UBE4B: variants seen among roughly 807,000 people sequenced by gnomAD.
UBE4B encodes ubiquitination factor E4B, also known as ubiquitin conjugation factor E4 B.
UBE4B carries 27 observed loss-of-function variants against 148.1 expected under a neutral mutation model. That is an observed-to-expected ratio of 0.18 (90% confidence interval 0.13 to 0.25). UBE4B has a LOEUF of 0.25. Ranked by LOEUF, UBE4B falls within the 10% of genes least tolerant of loss-of-function variation. UBE4B has a pLI of 1.00. For synonymous variants in UBE4B, 596 were observed against 619.3 expected (o/e 0.96, Z 0.56); for missense variants, 1,170 against 1,662.4 (o/e 0.70, Z 5.15).
chr1:10,079,450 G>T (rs1343120061), intron 2 of UBE4B, among the ~76,000 whole-genome samples: 1 of 151,998 alleles, frequency 6.6e-6, no homozygotes, highest in Non-Finnish European at 1.5e-5. Context: ...GTGAGCCACC[G>T]CACCCGACCT....
chr1:10,073,048 A>G (rs1644515762), intron 2 of UBE4B: 1 of 152,282 alleles, frequency 6.6e-6, no homozygotes, highest in South Asian at 2.1e-4. Context: ...CTATAGATAT[A>G]TATAAATGTT....
intron 25 of UBE4B, among the ~76,000 whole-genome samples, chr1:10,172,985 A>G (rs1646359904): frequency 6.6e-6 from 1 of 152,230 alleles, no homozygotes; most frequent in South Asian, 2.1e-4. Context: ...GCAATAGGCT[A>G]TACCATAGAG....
In UBE4B at chr1:10,168,076, G is replaced by A. The variant is rs1378869866; in HGVS notation, c.3199-60G>A. Reference sequence around the variant, plus strand: ...CGCACTTTCCAGTTATGTGCTTGGCGCTTTGCTGAGCTGATGACCAGGACC... The same window carrying A: ...CGCACTTTCCAGTTATGTGCTTGGCACTTTGCTGAGCTGATGACCAGGACC... On this transcript the variant is annotated intron_variant, in intron 23 of 27. Coordinates refer to ENST00000343090, the MANE Select transcript of UBE4B (RefSeq NM_001105562.3). This position sits in a 1 kb window ranked among gnomAD's most constrained non-coding sequence, Gnocchi z 4.9. The A allele has an allele frequency of 1.7e-5, 26 of 1,555,408 alleles. No individual in the cohort carries two copies. The highest frequency in any genetic ancestry group is 2.4e-5 in the South Asian group (2 of 84,840).
At chr1:10,087,881 T>C (rs1236936743) in intron 2 of UBE4B, among the ~76,000 whole-genome samples, 1 of 152,254 alleles carries the variant, frequency 6.6e-6, no homozygotes. Flanking sequence ...TCTGGAATTC[T>C]ATGAGGAAAA....
At chr1:10,173,331 A>C (rs976642153) in intron 25 of UBE4B, among the ~76,000 whole-genome samples, 1 of 151,814 alleles carries the variant, frequency 6.6e-6, no homozygotes, top group Admixed American at 6.6e-5. Flanking sequence ...AATACAAAAA[A>C]ATTAGCCGGG....
chr1:10,162,171 G>T (rs1646174006), intron 23 of UBE4B, among the ~76,000 whole-genome samples: 1 of 151,552 alleles, frequency 6.6e-6, no homozygotes, highest in Non-Finnish European at 1.5e-5. Context: ...GCTAGTTTTT[G>T]TATTTTGTTT....
chr1:10,035,721 A>AT lies in UBE4B; in HGVS notation c.24+2036dup, dbSNP rs1046609613. ...GTGACCGGCCAGAGATAGTTTTTTT[A>AT]TTTTTTTTTATTTTTTATTTATTTT... On this transcript the variant is annotated intron_variant, in intron 1 of 27. Transcript: ENST00000343090. 1.7e-3 allele frequency among the ~76,000 whole-genome samples: 216 copies of AT among 127,452 alleles called. 1 individual carries two copies. Among genetic ancestry groups the AT allele is most frequent in the South Asian group, 0.013 (52 of 4,014 alleles). The allele number at this position is 127,452 out of a possible 152,430, so 83.6% of individuals were successfully genotyped here. A position where few individuals can be genotyped will look rare whatever the true frequency, so the allele number is the denominator to read the frequency against.
chr1:10,101,265 G>A lies in UBE4B; in HGVS notation c.435+70G>A, dbSNP rs1645005785. ...ACATTTCATGTCTTGTATCTGTAGA[G>A]TCTGTTAGATTGGGGCCACCCGAAA... is the stretch of plus-strand genomic sequence containing the variant. On this transcript the variant is annotated intron_variant, in intron 4 of 27. Transcript: ENST00000343090. 4 of 1,505,656 alleles carry A rather than the reference G, an allele frequency of 2.7e-6. No homozygotes were observed. The South Asian group carries it at 3.5e-5, about 13-fold the overall frequency. 93.3% of individuals were successfully genotyped at this position (1,505,656 alleles called of 1,614,324 possible). A position where few individuals can be genotyped will look rare whatever the true frequency, so the allele number is the denominator to read the frequency against.
At chr1:10,070,138 G>T (rs1354773968) in intron 1 of UBE4B, among the ~76,000 whole-genome samples, 1 of 151,860 alleles carries the variant, frequency 6.6e-6, no homozygotes, top group African/African-American at 2.4e-5. Flanking sequence ...GGTGGGTGTG[G>T]TGGTGCATGC....
At chr1:10,086,011 T>A (rs554959122) in intron 2 of UBE4B, among the ~76,000 whole-genome samples, 81 of 150,716 alleles carry the variant, frequency 5.4e-4, no homozygotes, top group Non-Finnish European at 1.5e-4. Context: ...TCGCTCTGTC[T>A]CCCAGGCTGG....
rs1306390102 is a variant in UBE4B at position 10,149,289 on chromosome 1, G to A, written c.2690+7G>A. The stretch of plus-strand genomic sequence containing the variant: ...TTTTATTTTTTATTGTACAGTAAGT[G>A]CCTTTAATATTTTACATAGTTCTAA... On this transcript the variant is annotated splice_region_variant and intron_variant, in intron 20 of 27. Coordinates refer to ENST00000343090, the MANE Select transcript of UBE4B (RefSeq NM_001105562.3). 1.9e-6 allele frequency: 3 copies of A among 1,584,774 alleles called. No individual in the cohort carries two copies. The highest frequency in any genetic ancestry group is 1.8e-5 in the Admixed American group (1 of 55,054).
chr1:10,094,271 A>G (rs1644894258), intron 2 of UBE4B, among the ~76,000 whole-genome samples: 1 of 152,096 alleles, frequency 6.6e-6, no homozygotes, highest in East Asian at 1.9e-4. Context: ...AATTTCCACT[A>G]AGGTGTTCAA....
chr1:10,161,350 G>A lies in UBE4B; in HGVS notation c.3198+64G>A. 3.2e-6 allele frequency: 5 copies of A among 1,567,796 alleles called. No homozygotes were observed. The highest frequency in any genetic ancestry group is 4.3e-6 in the Non-Finnish European group (5 of 1,151,278). On this transcript the variant is annotated intron_variant, in intron 23 of 27. Coordinates refer to ENST00000343090, the MANE Select transcript of UBE4B (RefSeq NM_001105562.3). The surrounding 1 kb of genome is among the most constrained non-coding windows in gnomAD (Gnocchi z 4.1). ...CCATCTGCCTCCACACACGGGCAGA[G>A]CTGCTTTGGGGCTGCATTTGTGGGT...
intron 5 of UBE4B, among the ~76,000 whole-genome samples, chr1:10,103,597 T>C (rs1645052438): frequency 7.2e-6 from 1 of 139,206 alleles, no homozygotes; most frequent in African/African-American, 3.2e-5. Context: ...CACGCCCAGC[T>C]AATTTTTGTA....
At chr1:10,178,843 C>T (rs975235939) in intron 26 of UBE4B, 25 bp downstream of exon 26, 1 of 1,561,248 alleles carries the variant, frequency 6.4e-7, no homozygotes, top group African/African-American at 1.4e-5. Context: ...CGTTTTCATG[C>T]TGATTTCTTT....
At chr1:10,170,383 T>C (rs527728519) in intron 24 of UBE4B, among the ~76,000 whole-genome samples, 1 of 150,076 alleles carries the variant, frequency 6.7e-6, no homozygotes, top group South Asian at 2.1e-4. Context: ...AATCCAGTTA[T>C]TACATTTCAT....
intron 1 of UBE4B, among the ~76,000 whole-genome samples, chr1:10,035,399 T>G (rs924765954): frequency 3.3e-4 from 44 of 132,810 alleles, no homozygotes; most frequent in African/African-American, 1.1e-3. Context: ...GTTTTTTTTT[T>G]TTTTTTTTTT....
At chr1:10,061,933 C>G (rs1221777717) in intron 1 of UBE4B, among the ~76,000 whole-genome samples, 1 of 144,018 alleles carries the variant, frequency 6.9e-6, no homozygotes, top group African/African-American at 2.6e-5. Context: ...TTTTTTGAGA[C>G]GAGGTCTCGC....
intron 17 of UBE4B, among the ~76,000 whole-genome samples, chr1:10,139,015 A>G (rs1326655472): frequency 2.0e-5 from 3 of 152,204 alleles, no homozygotes; most frequent in African/African-American, 7.2e-5. Flanking sequence ...GGATTTTTGC[A>G]TCTGTTCAAA....
Sources: gnomAD v4.1 joint callset for allele counts (sites outside exome capture counted in the v4.1 genomes callset) on GRCh38, gnomAD v4.1.1 for gene constraint, Gnocchi (gnomAD v3.1) non-coding constraint, MANE v1.5 for transcripts, NCBI Gene and HGNC (gene_info 2026-07-23, HGNC 2026-07-21) for gene names.